The following AFDN variants were observed in gnomAD, a reference collection of about 807,000 sequenced individuals.
The protein encoded by AFDN is afadin, adherens junction formation factor.
In AFDN, 68 loss-of-function variants were observed where a neutral mutation model predicts 216.6. That is an observed-to-expected ratio of 0.31 (90% CI 0.26 to 0.38). AFDN has a LOEUF of 0.38. AFDN is among the 10% of genes least tolerant of loss of function. AFDN has a pLI of 1.00. For synonymous variants in AFDN, 868 were observed against 853.7 expected, an observed-to-expected ratio of 1.02 and a Z score of -0.29; for missense variants, 2,136 against 2,342.0, an observed-to-expected ratio of 0.91 and a Z score of 1.82.
chr6:167,846,686 TATA>T (rs918785587), intron 1 of AFDN, among the ~76,000 whole-genome samples: 3 of 149,626 alleles, frequency 2.0e-5, no homozygotes, highest in African/African-American at 4.9e-5. Flanking sequence ...TTGAAAAAAG[TATA>T]ATATTTAAAA....
intron 1 of AFDN, among the ~76,000 whole-genome samples, chr6:167,840,292 T>G (rs1007098629): frequency 6.6e-6 from 1 of 152,198 alleles, no homozygotes; most frequent in Admixed American, 6.5e-5. Flanking sequence ...GCAGGCCCAT[T>G]TTGTGGCTTG....
chr6:167,881,791 A>G (rs1482301647), intron 6 of AFDN, among the ~76,000 whole-genome samples: 3 of 152,204 alleles, frequency 2.0e-5, no homozygotes, highest in African/African-American at 7.2e-5. Flanking sequence ...AGGAGGATGA[A>G]GTGAAAGACT....
intron 29 of AFDN, among the ~76,000 whole-genome samples, chr6:167,950,866 T>C (rs1218712302): frequency 6.6e-6 from 1 of 151,288 alleles, no homozygotes; most frequent in East Asian, 1.9e-4. Flanking sequence ...TTTTTTTTTT[T>C]TTTTTTTAAA....
At chr6:167,862,635 G>A (rs1278366192) in intron 1 of AFDN, among the ~76,000 whole-genome samples, 3 of 152,138 alleles carry the variant, frequency 2.0e-5, no homozygotes, top group East Asian at 1.9e-4. Context: ...TCGGCCTCCC[G>A]AAGTGCTGGG....
intron 1 of AFDN, among the ~76,000 whole-genome samples, chr6:167,829,124 A>G (rs147315546): frequency 8.7e-4 from 133 of 152,266 alleles, no homozygotes; most frequent in Non-Finnish European, 1.6e-3. Flanking sequence ...TTTTCTCCCT[A>G]CTTATATCTG....
At chr6:167,960,346 T>A (rs1796916255) in intron 30 of AFDN, among the ~76,000 whole-genome samples, 1 of 152,196 alleles carries the variant, frequency 6.6e-6, no homozygotes, top group African/African-American at 2.4e-5. Context: ...TTTAGAAGAA[T>A]AGAGGTTTTT....
At chr6:167,912,788 G>C (rs1018990359) in intron 15 of AFDN, among the ~76,000 whole-genome samples, 32 of 152,172 alleles carry the variant, frequency 2.1e-4, no homozygotes, top group African/African-American at 7.5e-4. Context: ...TTAAACTTCA[G>C]ATTTAGGGTT....
At chr6:167,938,860 T>C (rs1794332920) in intron 23 of AFDN, among the ~76,000 whole-genome samples, 1 of 152,274 alleles carries the variant, frequency 6.6e-6, no homozygotes, top group East Asian at 1.9e-4. Context: ...CAAAGACATC[T>C]TCCAAAAATG....
chr6:167,911,734 G>A, intron 15 of AFDN: 1 of 495,642 alleles, frequency 2.0e-6, no homozygotes, highest in South Asian at 2.3e-5. Flanking sequence ...ATAGTTGTGA[G>A]AAAGTGCTGA....
Position 167,852,743 on chromosome 6 carries a change from A to G in AFDN, c.106-11808A>G, listed in dbSNP as rs1782462766. On this transcript the variant is annotated intron_variant, in intron 1 of 33. Transcript: ENST00000683244. ...GTTGCTCTAGTTACCTTCAGTGCTA[A>G]CATTGATTTTGTTTTGTTGGTGTTC... 2.0e-5 allele frequency among the ~76,000 whole-genome samples: 3 copies of G among 152,112 alleles called. 1 individual carries two copies. The highest frequency in any genetic ancestry group is 4.4e-5 in the Non-Finnish European group (3 of 67,986).
At chr6:167,910,602 A>G (rs1790260508) in intron 13 of AFDN, among the ~76,000 whole-genome samples, 1 of 152,206 alleles carries the variant, frequency 6.6e-6, no homozygotes, top group Non-Finnish European at 1.5e-5. Flanking sequence ...AAATGATGAT[A>G]GTAATGGCTG....
At chr6:167,840,133 G>GC (rs1780902796) in intron 1 of AFDN, among the ~76,000 whole-genome samples, 1 of 152,176 alleles carries the variant, frequency 6.6e-6, no homozygotes, top group Admixed American at 6.5e-5. Context: ...GTCAAGTCAG[G>GC]GAAGCTTAAC....
In AFDN at chr6:167,911,804, A is replaced by G. The variant is rs1583378723; in HGVS notation, c.2037+315A>G. ...AATAATTTGTTGAGATGAAGTTCAT[A>G]TAATATTAACCATTTTGAAGTGAAC... is the stretch of plus-strand genomic sequence containing the variant. On this transcript the variant is annotated intron_variant, in intron 15 of 33. Transcript: ENST00000683244. 8.2e-6 allele frequency: 3 copies of G among 365,112 alleles called. No individual in the cohort carries two copies. The Middle Eastern group carries it at 2.6e-3, about 316-fold the overall frequency. The allele number at this position is 365,112 out of a possible 1,614,324, so 22.6% of individuals were successfully genotyped here.
upstream of AFDN, chr6:167,826,838 A>G (rs1374547306): frequency 1.5e-5 from 2 of 136,556 alleles, no homozygotes; most frequent in African/African-American, 5.0e-5. Context: ...GGCGGCGCGC[A>G]CGGCGGGCGG....
At chr6:167,880,148 T>C (rs1335935478) in intron 5 of AFDN, among the ~76,000 whole-genome samples, 1 of 152,210 alleles carries the variant, frequency 6.6e-6, no homozygotes, top group Non-Finnish European at 1.5e-5. Context: ...CATGCTGGAT[T>C]GTTCATGGTT....
At chr6:167,880,318 A>G (rs2128295277) in intron 5 of AFDN, 42 bp from the exon 6 acceptor site, 1 of 1,587,730 alleles carries the variant, frequency 6.3e-7, no homozygotes, top group Non-Finnish European at 8.6e-7. Context: ...TGTTACTGGC[A>G]TAAAGTAAGT....
intron 25 of AFDN, 97 bp downstream of exon 25, chr6:167,943,572 G>T (rs559718451): frequency 3.2e-6 from 3 of 947,774 alleles, no homozygotes; most frequent in African/African-American, 1.6e-5. Flanking sequence ...ATGCTAAAAC[G>T]TGCTCATATT....
At chr6:167,892,749 G>A (rs1787767672) in intron 8 of AFDN, among the ~76,000 whole-genome samples, 1 of 152,166 alleles carries the variant, frequency 6.6e-6, no homozygotes, top group Non-Finnish European at 1.5e-5. Flanking sequence ...CTCTTCTAGT[G>A]AGAATTGTTA....
rs764174496 is a variant in AFDN, at chr6:167,880,398, A to C, written c.778A>C (p.Asn260His). The C allele has an allele frequency of 6.2e-7, 1 of 1,613,390 alleles. No individual in the cohort carries two copies. Among genetic ancestry groups the C allele is most frequent in the African/African-American group, 1.3e-5 (1 of 74,904 alleles). The change falls in exon 6 of 34, where the codon AAT becomes CAT. Residue 260 changes from asparagine to histidine, a missense_variant. Around this residue, in one of 8 missense-constraint regions of AFDN, gnomAD observed 817 missense variants for 965.7 expected, o/e 0.85. Coordinates refer to ENST00000683244, the MANE Select transcript of AFDN (RefSeq NM_001386888.1). ...AATTTATGCAGATAGTTTAAAACCAAATATTCCCTACAAGACAATCCTGCT... is the reference window on the plus strand; with the variant it reads ...AATTTATGCAGATAGTTTAAAACCACATATTCCCTACAAGACAATCCTGCT... ...LRIYADSLKP[N>H]IPYKTILLST...
Sources: allele counts gnomAD v4.1 joint callset (sites outside exome capture counted in the v4.1 genomes callset), GRCh38; gene constraint gnomAD v4.1.1; regional missense constraint gnomAD v4.1.1; transcripts MANE v1.5; gene names NCBI Gene and HGNC (gene_info 2026-07-23, HGNC 2026-07-21).